Variants in MIX23 observed in about 807,000 individuals in gnomAD.
MIX23 encodes the protein protein MIX23.
A neutral mutation model predicts 21.6 loss-of-function variants in MIX23; 13 were observed. The observed-to-expected ratio is 0.60, with a 90% confidence interval of 0.39 to 0.96. The LOEUF (loss-of-function observed/expected upper bound fraction) is 0.96. Ranked by LOEUF, MIX23 falls within the 40% of genes least tolerant of loss-of-function variation. The pLI is 0.00. For missense variants in MIX23, 144 were observed against 171.2 expected, an observed-to-expected ratio of 0.84 and a Z score of 0.89; for synonymous variants, 59 against 58.0, an observed-to-expected ratio of 1.02 and a Z score of -0.08.
intron 1 of MIX23, among the ~76,000 whole-genome samples, chr3:122,373,814 C>T (rs2075461829): frequency 6.6e-6 from 1 of 152,124 alleles, no homozygotes; most frequent in South Asian, 2.1e-4. Flanking sequence ...GCTCATAATT[C>T]AGACTAATAA....
chr3:122,375,327 G>T (rs1576237923), intron 1 of MIX23, among the ~76,000 whole-genome samples: 1 of 152,182 alleles, frequency 6.6e-6, no homozygotes, highest in East Asian at 1.9e-4. Context: ...CTTATGGTGG[G>T]GGAGACTGGG....
rs527562300 is a variant in MIX23, at chr3:122,359,830, TAAAAA to T, written c.*34_*38del. 7.4e-4 allele frequency: 745 copies of T among 1,007,464 alleles called. 2 individuals are homozygous for T. The African/African-American group carries it at 0.01, about 14-fold the overall frequency. 62.4% of individuals were successfully genotyped at this position (1,007,464 alleles called of 1,614,324 possible). A position where few individuals can be genotyped will look rare whatever the true frequency, so the allele number is the denominator to read the frequency against. On this transcript the variant is annotated 3_prime_UTR_variant, in exon 5 of 5. Coordinates refer to ENST00000291458, the MANE Select transcript of MIX23 (RefSeq NM_001017928.4). ...AGCTCTTATGAGATGACCCAGTCCT[TAAAAA>T]AAAAAAAAAAAAAAAAAAAAAAAGA...
intron 1 of MIX23, among the ~76,000 whole-genome samples, chr3:122,379,471 C>T (rs555682499): frequency 3.3e-5 from 5 of 152,286 alleles, no homozygotes; most frequent in South Asian, 4.1e-4. Flanking sequence ...GGCAAAAGTT[C>T]GGGCTGCCCT....
intron 3 of MIX23, 132 bp downstream of exon 3, chr3:122,368,044 A>G (rs977694521): frequency 1.9e-5 from 14 of 718,298 alleles, no homozygotes; most frequent in Non-Finnish European, 3.1e-5. Context: ...CTAAAAATGA[A>G]GCACTAATCT....
At chr3:122,377,350 G>A (rs1480046780) in intron 1 of MIX23, among the ~76,000 whole-genome samples, 3 of 152,156 alleles carry the variant, frequency 2.0e-5, no homozygotes, top group African/African-American at 4.8e-5. Flanking sequence ...GACACTGATC[G>A]GGGTGGAGTT....
intron 3 of MIX23, among the ~76,000 whole-genome samples, chr3:122,367,086 T>C (rs1165280735): frequency 6.6e-6 from 1 of 151,914 alleles, no homozygotes; most frequent in Non-Finnish European, 1.5e-5. Flanking sequence ...AAAACTGTAT[T>C]TATGCATACA....
chr3:122,372,937 G>T, intron 1 of MIX23: 1 of 363,956 alleles, frequency 2.7e-6, no homozygotes, highest in South Asian at 2.3e-5. Context: ...TGTATTAAAA[G>T]CAACGTTTGA....
Position 122,371,818 on chromosome 3 carries a change from A to G in MIX23, c.52-18T>C. The G allele has an allele frequency of 1.9e-6, 3 of 1,557,240 alleles. No homozygotes were observed. Among genetic ancestry groups the G allele is most frequent in the Non-Finnish European group, 2.6e-6 (3 of 1,139,974 alleles). On this transcript the variant is annotated intron_variant, in intron 1 of 4. Coordinates refer to ENST00000291458, the MANE Select transcript of MIX23 (RefSeq NM_001017928.4). ...AGTAATTCCTATATGTATTTAAAAT[A>G]AAAGAATATAACCCAAATGGAAAGT...
At chr3:122,369,043 T>C (rs1405071609) in intron 2 of MIX23, among the ~76,000 whole-genome samples, 1 of 152,238 alleles carries the variant, frequency 6.6e-6, no homozygotes, top group African/African-American at 2.4e-5. Flanking sequence ...CCCATCTTGA[T>C]TCTAAAGTAT....
Position 122,371,756 on chromosome 3 carries a change from A to T in MIX23, c.96T>A (p.His32Gln). ...CTGTTGGAACCGTAGTGTTTAATTC[A>T]TGTACTATTCTGTCATCAATTGTCC... ...VMRTIDDRIV[H>Q]ELNTTVPTAS... Residue 32 changes from histidine (H) to glutamine (Q), a missense_variant, in exon 2 of 5, where the codon CAT becomes CAA. Transcript: ENST00000291458. 6.2e-7 allele frequency: 1 copy of T among 1,610,120 alleles called. No homozygotes were observed.
intron 2 of MIX23, among the ~76,000 whole-genome samples, chr3:122,371,020 T>C (rs2075437793): frequency 6.6e-6 from 1 of 152,230 alleles, no homozygotes; most frequent in Non-Finnish European, 1.5e-5. Flanking sequence ...GAGCTTAAAA[T>C]AGCAAGTGTC....
At chr3:122,368,141 CTT>C (rs2075410823) in intron 3 of MIX23, 33 bp downstream of exon 3, 1 of 1,604,450 alleles carries the variant, frequency 6.2e-7, no homozygotes, top group Non-Finnish European at 8.5e-7. Flanking sequence ...ATTGGAAAAA[CTT>C]TGCCTGAGAA....
At chr3:122,371,589 AC>A (rs2075442000) in intron 2 of MIX23, 85 bp downstream of exon 2, 2 of 1,446,118 alleles carry the variant, frequency 1.4e-6, no homozygotes, top group African/African-American at 2.8e-5. Flanking sequence ...TCCTTTAGTC[AC>A]AGTCGAGTTA....
chr3:122,378,161 G>A (rs1414873798), intron 1 of MIX23, among the ~76,000 whole-genome samples: 1 of 152,260 alleles, frequency 6.6e-6, no homozygotes. Context: ...AGAGGAACTA[G>A]AGTAGGTGTC....
At chr3:122,373,928 T>C (rs2075462664) in intron 1 of MIX23, among the ~76,000 whole-genome samples, 1 of 152,102 alleles carries the variant, frequency 6.6e-6, no homozygotes. Flanking sequence ...TCTTAAGGAA[T>C]AATCTCAATG....
intron 3 of MIX23, chr3:122,365,364 G>A (rs1336749887): frequency 6.6e-6 from 1 of 152,160 alleles, no homozygotes; most frequent in African/African-American, 2.4e-5. Flanking sequence ...GTGTCAGTTA[G>A]TATCTCAAGT....
chr3:122,374,349 C>T (rs2075466612), intron 1 of MIX23, among the ~76,000 whole-genome samples: 1 of 152,058 alleles, frequency 6.6e-6, no homozygotes, highest in African/African-American at 2.4e-5. Flanking sequence ...CCCTTAGTAT[C>T]CATGGGGGTT....
chr3:122,360,301 G>C (rs149526760), intron 4 of MIX23, among the ~76,000 whole-genome samples: 1 of 152,078 alleles, frequency 6.6e-6, no homozygotes, highest in Non-Finnish European at 1.5e-5. Flanking sequence ...TGTCCACATG[G>C]AACTGTGTTA....
In MIX23 at chr3:122,368,161, T is replaced by C. The variant is rs1248700556; in HGVS notation, c.324+15A>G. ...AAAAACTTTGCCTGAGAAATGTTAA[T>C]TCTGTTCAACTTACCTTTGTCTGCT... is the stretch of plus-strand genomic sequence containing the variant. On this transcript the variant is annotated intron_variant, in intron 3 of 4. Coordinates refer to ENST00000291458, the MANE Select transcript of MIX23 (RefSeq NM_001017928.4). 6.2e-7 allele frequency: 1 copy of C among 1,609,234 alleles called. No individual in the cohort carries two copies. The highest frequency in any genetic ancestry group is 1.1e-5 in the South Asian group (1 of 90,834).
Sources: allele counts gnomAD v4.1 joint callset (sites outside exome capture counted in the v4.1 genomes callset), GRCh38; gene constraint gnomAD v4.1.1; transcripts MANE v1.5; gene names NCBI Gene and HGNC (gene_info 2026-07-23, HGNC 2026-07-21).